PCSK2: variants seen among roughly 807,000 people sequenced by gnomAD.
PCSK2 encodes proprotein convertase subtilisin/kexin type 2, also known as neuroendocrine convertase 2.
Under a neutral mutation model 69.7 loss-of-function variants are expected in PCSK2, and 14 were observed. That is an observed-to-expected ratio of 0.20 (90% confidence interval 0.13 to 0.31). PCSK2 has a LOEUF of 0.31. Among genes scored for constraint, PCSK2 ranks in the 10% least tolerant of loss-of-function variants. PCSK2 has a pLI of 1.00. For missense variants in PCSK2, 544 were observed against 842.5 expected (o/e 0.65, Z 4.39); for synonymous variants, 307 against 320.7 (o/e 0.96, Z 0.46).
rs147672603 is a variant in PCSK2 at position 17,276,499 on chromosome 20, T to C, written c.282+16155T>C. ...ACACACATACCATGTTTATATTTTT[T>C]CTGGCTTTTGAATATAGATGTATCA... is the stretch of plus-strand genomic sequence containing the variant. On this transcript the variant is annotated intron_variant, in intron 2 of 11. Transcript: ENST00000262545. Among the ~76,000 whole-genome samples the C allele has an allele frequency of 1.5e-4, 23 of 151,718 alleles. No homozygotes were observed. The East Asian group carries it at 4.5e-3, about 29-fold the overall frequency.
intron 2 of PCSK2, among the ~76,000 whole-genome samples, chr20:17,274,318 C>A (rs192295384): frequency 6.6e-6 from 1 of 152,134 alleles, no homozygotes; most frequent in Non-Finnish European, 1.5e-5. Flanking sequence ...ATGATTGGAA[C>A]ATCTCTCTTC....
chr20:17,396,485 T>C (rs965072399), intron 5 of PCSK2, among the ~76,000 whole-genome samples: 1 of 152,200 alleles, frequency 6.6e-6, no homozygotes, highest in Non-Finnish European at 1.5e-5. Context: ...ACCCACGTCT[T>C]TTCTATTTCC....
chr20:17,234,168 CAGA>C (rs1305882793), intron 1 of PCSK2, among the ~76,000 whole-genome samples: 9 of 152,180 alleles, frequency 5.9e-5, no homozygotes, highest in African/African-American at 2.2e-4. Flanking sequence ...CAAACCGAGC[CAGA>C]TCACAACAAA....
intron 5 of PCSK2, among the ~76,000 whole-genome samples, chr20:17,401,864 A>G (rs1367997401): frequency 6.6e-6 from 1 of 152,108 alleles, no homozygotes; most frequent in Admixed American, 6.5e-5. Flanking sequence ...AAATTTTTCC[A>G]CCCAAGTTTT....
At chr20:17,386,458 A>G (rs2031236519) in intron 5 of PCSK2, among the ~76,000 whole-genome samples, 1 of 152,178 alleles carries the variant, frequency 6.6e-6, no homozygotes, top group African/African-American at 2.4e-5. Context: ...TTTATTCAGA[A>G]TTTCAGGAAG....
At chr20:17,274,187 T>C (rs1987970537) in intron 2 of PCSK2, among the ~76,000 whole-genome samples, 1 of 152,158 alleles carries the variant, frequency 6.6e-6, no homozygotes, top group African/African-American at 2.4e-5. Flanking sequence ...TCCTTGGGAT[T>C]GAGACTTTCC....
chr20:17,411,001 A>G (rs185510760), intron 6 of PCSK2, among the ~76,000 whole-genome samples: 80 of 152,344 alleles, frequency 5.3e-4, no homozygotes, highest in African/African-American at 1.8e-3. Context: ...AATATAACCA[A>G]TGGAAAGATT....
intron 5 of PCSK2, among the ~76,000 whole-genome samples, chr20:17,372,553 A>C (rs551296207): frequency 1.3e-5 from 2 of 152,304 alleles, no homozygotes; most frequent in South Asian, 4.1e-4. Context: ...TGCTGAACTT[A>C]AACTAGATGA....
intron 10 of PCSK2, among the ~76,000 whole-genome samples, chr20:17,461,314 T>A (rs2033010904): frequency 1.3e-5 from 2 of 152,176 alleles, no homozygotes. Context: ...AGACTGGAAA[T>A]AATCCAACCT....
chr20:17,245,709 C>G (rs955450433), intron 1 of PCSK2, among the ~76,000 whole-genome samples: 6 of 151,986 alleles, frequency 3.9e-5, no homozygotes, highest in Admixed American at 1.3e-4. Flanking sequence ...CATTCCATAT[C>G]TCTTATGATG....
At chr20:17,229,229 C>G (rs1258422131) in intron 1 of PCSK2, among the ~76,000 whole-genome samples, 1 of 151,650 alleles carries the variant, frequency 6.6e-6, no homozygotes, top group Non-Finnish European at 1.5e-5. Flanking sequence ...GAAAAGGGTG[C>G]GAGATAAAAA....
intron 11 of PCSK2, among the ~76,000 whole-genome samples, chr20:17,480,302 G>A (rs1278158443): frequency 7.0e-6 from 1 of 142,900 alleles, no homozygotes; most frequent in South Asian, 2.3e-4. Flanking sequence ...CCATTTTCCC[G>A]CCTCAGCCTC....
chr20:17,482,021 T>A lies in PCSK2; in HGVS notation c.1868T>A (p.Leu623Gln). 1 of 1,610,810 alleles carries A rather than the reference T, an allele frequency of 6.2e-7. No individual in the cohort carries two copies. The highest frequency in any genetic ancestry group is 8.5e-7 in the Non-Finnish European group (1 of 1,179,198). Residue 623 changes from leucine to glutamine, a missense_variant, in exon 12 of 12, where the codon CTG becomes CAG. Leu to Gln is a moderately radical substitution (Grantham distance 113). This residue lies in a region of PCSK2 where 200 missense variants were observed against 287.8 expected (regional missense o/e 0.69). Transcript: ENST00000262545. The stretch of plus-strand genomic sequence containing the variant: ...AAGAAAGAGGAGCTGGAGGAAGAGC[T>A]GGACGAAGCCGTGGAGAGAAGCCTG... ...MSKKEELEEE[L>Q]DEAVERSLKS...
chr20:17,266,454 A>C (rs1486004570), intron 2 of PCSK2, among the ~76,000 whole-genome samples: 1 of 152,262 alleles, frequency 6.6e-6, no homozygotes, highest in Non-Finnish European at 1.5e-5. Flanking sequence ...ATTGAGACAC[A>C]ATATCAGTTT....
chr20:17,270,201 T>A (rs893794936), intron 2 of PCSK2, among the ~76,000 whole-genome samples: 24 of 151,594 alleles, frequency 1.6e-4, no homozygotes, highest in African/African-American at 4.1e-4. Flanking sequence ...CAAAAAAAAT[T>A]TTTTTTAATA....
chr20:17,451,661 CTCT>C (rs1324633633), intron 8 of PCSK2, among the ~76,000 whole-genome samples: 1 of 152,172 alleles, frequency 6.6e-6, no homozygotes, highest in Non-Finnish European at 1.5e-5. Flanking sequence ...AAATAGACCA[CTCT>C]TCTTGATGGA....
intron 5 of PCSK2, among the ~76,000 whole-genome samples, chr20:17,389,438 G>A (rs1477167050): frequency 2.6e-5 from 4 of 152,020 alleles, no homozygotes; most frequent in African/African-American, 9.7e-5. Context: ...GGAGAGAATG[G>A]TGGAGAGAGA....
At chr20:17,248,798 C>T (rs1986863269) in intron 1 of PCSK2, among the ~76,000 whole-genome samples, 2 of 152,228 alleles carry the variant, frequency 1.3e-5, no homozygotes, top group East Asian at 1.9e-4. Context: ...TCCTTGAGTC[C>T]CACTCATCTC....
At chr20:17,330,918 G>A (rs1055615710) in intron 2 of PCSK2, among the ~76,000 whole-genome samples, 1 of 152,128 alleles carries the variant, frequency 6.6e-6, no homozygotes, top group Non-Finnish European at 1.5e-5. Context: ...AAATGAGAAA[G>A]AGCTCTTTCT....
Sources: gnomAD v4.1 joint callset for allele counts (sites outside exome capture counted in the v4.1 genomes callset) on GRCh38, gnomAD v4.1.1 for gene constraint, gnomAD v4.1.1 regional missense constraint, MANE v1.5 for transcripts, NCBI Gene and HGNC (gene_info 2026-07-23, HGNC 2026-07-21) for gene names.